The following TAF3 variants were observed in gnomAD, a reference collection of about 807,000 sequenced individuals.
TAF3 encodes the protein TATA-box binding protein associated factor 3, also known as transcription initiation factor TFIID subunit 3.
Under a neutral mutation model 80.6 loss-of-function variants are expected in TAF3, and 7 were observed. That is an observed-to-expected ratio of 0.09 (90% confidence interval 0.05 to 0.16). TAF3 has a LOEUF of 0.16. Among genes scored for constraint, TAF3 ranks in the 10% least tolerant of loss-of-function variants. TAF3 has a pLI of 1.00. For missense variants in TAF3, 921 were observed against 1,140.2 expected (o/e 0.81, Z 2.77); for synonymous variants, 444 against 446.1 (o/e 1.00, Z 0.06).
At position 7,830,473 on chromosome 10, in the gene TAF3, CTTTTTTTTTT is replaced by C. The variant is rs1176707860; in HGVS notation, c.409+5932_409+5941del. Reference sequence around the variant, plus strand: ...TGCACACCTTTTTCACTTTACATGTCTTTTTTTTTTTTTTTTTTTTTTTTTTTTGAGAAGG... The same window carrying C: ...TGCACACCTTTTTCACTTTACATGTCTTTTTTTTTTTTTTTTTTGAGAAGG... On this transcript the variant is annotated intron_variant, in intron 2 of 6. Coordinates refer to ENST00000344293, the MANE Select transcript of TAF3 (RefSeq NM_031923.4). 7.4e-3 allele frequency among the ~76,000 whole-genome samples: 428 copies of C among 57,726 alleles called. 3 individuals are homozygous for C. Among genetic ancestry groups the C allele is most frequent in the African/African-American group, 0.027 (406 of 14,996 alleles). The allele number at this position is 57,726 out of a possible 152,430, so 37.9% of individuals were successfully genotyped here. A position where few individuals can be genotyped will look rare whatever the true frequency, so the allele number is the denominator to read the frequency against.
chr10:7,853,155 C>G (rs1037108065), intron 2 of TAF3, among the ~76,000 whole-genome samples: 8 of 152,006 alleles, frequency 5.3e-5, no homozygotes, highest in Admixed American at 2.6e-4. Flanking sequence ...TTAAACACAG[C>G]CTTTATTTAA....
At chr10:7,879,839 G>T (rs1368059180) in intron 2 of TAF3, among the ~76,000 whole-genome samples, 2 of 152,122 alleles carry the variant, frequency 1.3e-5, no homozygotes, top group African/African-American at 4.8e-5. Flanking sequence ...TACATATTTG[G>T]ATTTTTAACA....
At chr10:7,834,563 AATAG>A (rs1168127811) in intron 2 of TAF3, among the ~76,000 whole-genome samples, 7 of 152,262 alleles carry the variant, frequency 4.6e-5, no homozygotes, top group African/African-American at 7.2e-5. Context: ...GATGTGTGTG[AATAG>A]ATAGATAGGT....
intron 2 of TAF3, among the ~76,000 whole-genome samples, chr10:7,901,355 G>T (rs908120527): frequency 1.3e-5 from 2 of 152,102 alleles, no homozygotes; most frequent in African/African-American, 4.8e-5. Flanking sequence ...GGTGCATGTT[G>T]GTCACTCTTT....
intron 4 of TAF3, among the ~76,000 whole-genome samples, chr10:7,997,606 A>G (rs573240742): frequency 2.6e-5 from 4 of 152,308 alleles, no homozygotes; most frequent in Admixed American, 6.5e-5. Context: ...GCACGTTTTT[A>G]TGAATAACGC....
intron 3 of TAF3, among the ~76,000 whole-genome samples, chr10:7,972,657 T>C (rs1174408557): frequency 1.3e-5 from 2 of 152,262 alleles, no homozygotes; most frequent in Non-Finnish European, 2.9e-5. Context: ...ATCTCACTTA[T>C]GTGTTTCCAC....
intron 2 of TAF3, among the ~76,000 whole-genome samples, chr10:7,960,051 A>G (rs1838174229): frequency 1.3e-5 from 2 of 152,202 alleles, no homozygotes; most frequent in Non-Finnish European, 2.9e-5. Flanking sequence ...GAAGAGCAGG[A>G]TGCACCATAA....
Position 8,014,960 on chromosome 10 carries a change from A to C in TAF3, c.*209A>C. 1 of 442,526 alleles carries C rather than the reference A, an allele frequency of 2.3e-6. No individual in the cohort carries two copies. The highest frequency in any genetic ancestry group is 2.8e-5 in the South Asian group (1 of 35,154). The allele number at this position is 442,526 out of a possible 1,614,324, so 27.4% of individuals were successfully genotyped here. A position where few individuals can be genotyped will look rare whatever the true frequency, so the allele number is the denominator to read the frequency against. Reference sequence around the variant, plus strand: ...TGTGGCTCCGTGGCAGTGCGACAGAAGGAAACTCAAGCAGAGGCGTGGCCT... The same window carrying C: ...TGTGGCTCCGTGGCAGTGCGACAGACGGAAACTCAAGCAGAGGCGTGGCCT... On this transcript the variant is annotated 3_prime_UTR_variant, in exon 7 of 7. Transcript: ENST00000344293.
chr10:7,920,219 A>G (rs780914766), intron 2 of TAF3, among the ~76,000 whole-genome samples: 3 of 151,840 alleles, frequency 2.0e-5, no homozygotes, highest in Non-Finnish European at 4.4e-5. Context: ...ACACCACTGC[A>G]CTCCGGCCTG....
chr10:7,818,629 GA>G lies in TAF3; in HGVS notation c.-79del. 1 of 1,475,190 alleles carries G rather than the reference GA, an allele frequency of 6.8e-7. No homozygotes were observed. The highest frequency in any genetic ancestry group is 9.0e-7 in the Non-Finnish European group (1 of 1,111,294). The allele number at this position is 1,475,190 out of a possible 1,614,324, so 91.4% of individuals were successfully genotyped here. On this transcript the variant is annotated 5_prime_UTR_variant, in exon 1 of 7. The change abolishes the stop of an existing upstream ORF in the 5' untranslated region. Coordinates refer to ENST00000344293, the MANE Select transcript of TAF3 (RefSeq NM_031923.4). ...CCCCGCCGCGGAAGCCCTAGAGGAT[GA>G]ATCGGGGACCCTGCTAAGGTCTGGC...
chr10:8,014,485 C>A, intron 6 of TAF3, 152 bp from the exon 7 acceptor site: 1 of 600,370 alleles, frequency 1.7e-6, no homozygotes. Flanking sequence ...AGTCCGCATG[C>A]CCAACAATAG....
chr10:7,887,011 G>A (rs1429845140), intron 2 of TAF3, among the ~76,000 whole-genome samples: 3 of 151,962 alleles, frequency 2.0e-5, no homozygotes, highest in Non-Finnish European at 4.4e-5. Flanking sequence ...TGAGGCAGGC[G>A]GATCACGAGG....
At chr10:7,820,250 C>A (rs552826558) in intron 1 of TAF3, among the ~76,000 whole-genome samples, 3 of 152,210 alleles carry the variant, frequency 2.0e-5, no homozygotes, top group African/African-American at 7.2e-5. Flanking sequence ...GTGCATATTT[C>A]TTTTATATTA....
Position 7,873,190 on chromosome 10 carries a change from G to A in TAF3, c.409+48630G>A, listed in dbSNP as rs192009128. ...TCTTAGGGTTTTTAAATCTTTAATC[G>A]ATAGCCATATCAAATTAGGGAATTA... On this transcript the variant is annotated intron_variant, in intron 2 of 6. Transcript: ENST00000344293. Among the ~76,000 whole-genome samples, 637 of 151,868 alleles carry A rather than the reference G, an allele frequency of 4.2e-3. 4 individuals carry two copies. Among genetic ancestry groups the A allele is most frequent in the African/African-American group, 0.015 (608 of 41,408 alleles).
chr10:7,993,345 A>AT (rs576592777), intron 4 of TAF3, among the ~76,000 whole-genome samples: 24 of 152,140 alleles, frequency 1.6e-4, no homozygotes, highest in Middle Eastern at 3.4e-3. Context: ...CACCCAGCTA[A>AT]TTTTTTTATT....
intron 2 of TAF3, among the ~76,000 whole-genome samples, chr10:7,897,930 G>A (rs1837521206): frequency 1.3e-5 from 2 of 151,916 alleles, no homozygotes; most frequent in Non-Finnish European, 2.9e-5. Flanking sequence ...CAAAGTGCTG[G>A]GATTATGGGC....
chr10:7,873,652 G>T (rs981287746), intron 2 of TAF3, among the ~76,000 whole-genome samples: 27 of 119,626 alleles, frequency 2.3e-4, no homozygotes. Flanking sequence ...TGTCGAATTT[G>T]AGGGGAGTCC....
At chr10:7,938,436 C>T (rs1459583747) in intron 2 of TAF3, among the ~76,000 whole-genome samples, 2 of 152,072 alleles carry the variant, frequency 1.3e-5, no homozygotes, top group African/African-American at 2.4e-5. Context: ...ATGGTGATTA[C>T]AGGAGATTTT....
intron 2 of TAF3, among the ~76,000 whole-genome samples, chr10:7,873,629 CG>C (rs1157663936): frequency 6.6e-4 from 95 of 143,290 alleles, no homozygotes; most frequent in Non-Finnish European, 8.6e-4. Flanking sequence ...CCCCCCCCCC[CG>C]TCAAAAGGGG....
Sources: gnomAD v4.1 joint callset for allele counts (sites outside exome capture counted in the v4.1 genomes callset) on GRCh38, gnomAD v4.1.1 for gene constraint, MANE v1.5 for transcripts, NCBI Gene and HGNC (gene_info 2026-07-23, HGNC 2026-07-21) for gene names.